Variants in CTNNA3 observed in about 807,000 individuals in gnomAD.
CTNNA3 encodes the protein catenin alpha-3.
Under a neutral mutation model 95.7 loss-of-function variants are expected in CTNNA3, and 76 were observed. The ratio of observed to expected loss-of-function variants is 0.79; its 90% CI spans 0.66 to 0.96. CTNNA3 has a LOEUF of 0.96. CTNNA3 is among the 40% of genes least tolerant of loss of function. CTNNA3 has a pLI of 0.00. For missense variants in CTNNA3, 1,191 were observed against 1,089.8 expected, an observed-to-expected ratio of 1.09 and a Z score of -1.31; for synonymous variants, 431 against 374.4, an observed-to-expected ratio of 1.15 and a Z score of -1.74.
At chr10:66,635,897 A>G (rs551267262) in intron 9 of CTNNA3, among the ~76,000 whole-genome samples, 2 of 152,182 alleles carry the variant, frequency 1.3e-5, no homozygotes, top group East Asian at 3.9e-4. Context: ...TAGGCAAAGA[A>G]GCTTTGAAAT....
rs919726596 is a variant in CTNNA3 at position 67,604,457 on chromosome 10, C to T, written c.292+2400G>A. On this transcript the variant is annotated intron_variant, in intron 3 of 17. Transcript: ENST00000433211. ...AACAGCTACTAAAAATGATTTTAAGCAGAGAAGTAAAATGAGCATATTTTC... is the reference window on the plus strand; with the variant it reads ...AACAGCTACTAAAAATGATTTTAAGTAGAGAAGTAAAATGAGCATATTTTC... Among the ~76,000 whole-genome samples the T allele has an allele frequency of 4.9e-4, 75 of 152,120 alleles. 1 individual carries two copies. The highest frequency in any genetic ancestry group is 2.0e-4 in the Admixed American group (3 of 15,278).
At chr10:66,267,294 G>C (rs2091181309) in intron 13 of CTNNA3, among the ~76,000 whole-genome samples, 1 of 152,044 alleles carries the variant, frequency 6.6e-6, no homozygotes, top group Non-Finnish European at 1.5e-5. Context: ...CCTAATTGTA[G>C]TTCTTTCTCC....
chr10:66,428,603 T>C (rs1456484968), intron 11 of CTNNA3, among the ~76,000 whole-genome samples: 1 of 151,736 alleles, frequency 6.6e-6, no homozygotes, highest in Non-Finnish European at 1.5e-5. Flanking sequence ...AGAAACTCAC[T>C]CAAAACTGCT....
At chr10:65,969,579 T>C (rs921909831) in intron 16 of CTNNA3, among the ~76,000 whole-genome samples, 6 of 152,166 alleles carry the variant, frequency 3.9e-5, no homozygotes, top group African/African-American at 1.4e-4. Flanking sequence ...CTTTAAAATA[T>C]CAATCAGAGA....
At chr10:67,167,115 G>GA (rs71006133) in intron 7 of CTNNA3, among the ~76,000 whole-genome samples, 167 of 137,232 alleles carry the variant, frequency 1.2e-3, no homozygotes, top group Middle Eastern at 0.012. Flanking sequence ...TCAAAAAAAA[G>GA]AAAAAAAAAA....
At chr10:67,707,792 C>T (rs367576346) in intron 1 of CTNNA3, among the ~76,000 whole-genome samples, 11 of 152,090 alleles carry the variant, frequency 7.2e-5, no homozygotes, top group Non-Finnish European at 1.5e-4. Flanking sequence ...CACCTTGATA[C>T]GAAATGAAAG....
intron 3 of CTNNA3, among the ~76,000 whole-genome samples, chr10:67,545,752 C>T (rs1052683892): frequency 2.0e-5 from 3 of 152,072 alleles, no homozygotes; most frequent in South Asian, 2.1e-4. Flanking sequence ...TCGGTCAAAA[C>T]GACTATATAA....
chr10:67,701,593 A>C (rs1429774273), intron 1 of CTNNA3, among the ~76,000 whole-genome samples: 3 of 152,328 alleles, frequency 2.0e-5, no homozygotes, highest in South Asian at 2.1e-4. Context: ...TTTGTCACCA[A>C]CAGGCCTGCC....
At chr10:67,270,159 G>T (rs375035559) in intron 5 of CTNNA3, among the ~76,000 whole-genome samples, 3 of 146,920 alleles carry the variant, frequency 2.0e-5, no homozygotes, top group Non-Finnish European at 3.0e-5. Context: ...TGAAAATACA[G>T]AACCTGATTT....
intron 5 of CTNNA3, among the ~76,000 whole-genome samples, chr10:67,296,961 A>T (rs1451032557): frequency 6.6e-6 from 1 of 150,810 alleles, no homozygotes; most frequent in East Asian, 1.9e-4. Context: ...AAAAAAAAAA[A>T]AGAGTTCAGT....
At chr10:66,296,469 C>G (rs1292053850) in intron 12 of CTNNA3, among the ~76,000 whole-genome samples, 1 of 151,972 alleles carries the variant, frequency 6.6e-6, no homozygotes, top group African/African-American at 2.4e-5. Flanking sequence ...AAATGGTCAT[C>G]ATATTTTGTA....
intron 7 of CTNNA3, among the ~76,000 whole-genome samples, chr10:66,950,839 G>T (rs1020113961): frequency 6.6e-6 from 1 of 152,126 alleles, no homozygotes; most frequent in Non-Finnish European, 1.5e-5. Context: ...TAGAGGCTTC[G>T]CACAGTGCAG....
intron 5 of CTNNA3, among the ~76,000 whole-genome samples, chr10:67,304,580 T>C (rs1334070618): frequency 6.6e-6 from 1 of 152,188 alleles, no homozygotes; most frequent in African/African-American, 2.4e-5. Context: ...GAAATCTATT[T>C]ACAACTATTT....
chr10:67,497,286 T>G (rs192972721), intron 5 of CTNNA3, among the ~76,000 whole-genome samples: 32 of 152,324 alleles, frequency 2.1e-4, no homozygotes, highest in Admixed American at 8.5e-4. Flanking sequence ...GGCTGCATAG[T>G]GTTCCATGGT....
At chr10:66,814,421 A>G (rs1338702332) in intron 7 of CTNNA3, among the ~76,000 whole-genome samples, 1 of 152,190 alleles carries the variant, frequency 6.6e-6, no homozygotes, top group Non-Finnish European at 1.5e-5. Flanking sequence ...ATTTATATAA[A>G]TATCATTCAT....
intron 4 of CTNNA3, among the ~76,000 whole-genome samples, chr10:67,534,789 C>A (rs983619857): frequency 6.6e-6 from 1 of 152,020 alleles, no homozygotes; most frequent in South Asian, 2.1e-4. Context: ...GAAGCAAAAG[C>A]TTGGAGACAG....
intron 11 of CTNNA3, among the ~76,000 whole-genome samples, chr10:66,447,429 C>A (rs77020755): frequency 0.072 from 6,069 of 84,880 alleles, 1,955 homozygotes; most frequent in East Asian, 0.47. Flanking sequence ...AGACTATACT[C>A]CAAGGCTACA....
intron 10 of CTNNA3, among the ~76,000 whole-genome samples, chr10:66,599,456 C>T (rs1843841213): frequency 6.6e-6 from 1 of 151,920 alleles, no homozygotes; most frequent in South Asian, 2.1e-4. Context: ...AATTTTTGGC[C>T]CATTTCTCCT....
At chr10:66,827,120 C>T (rs1842544025) in intron 7 of CTNNA3, among the ~76,000 whole-genome samples, 1 of 152,350 alleles carries the variant, frequency 6.6e-6, no homozygotes, top group South Asian at 2.1e-4. Flanking sequence ...GCTCCAGCTG[C>T]AGGCTATCTA....
Sources: gnomAD v4.1 joint callset for allele counts (sites outside exome capture counted in the v4.1 genomes callset) on GRCh38, gnomAD v4.1.1 for gene constraint, MANE v1.5 for transcripts, NCBI Gene and HGNC (gene_info 2026-07-23, HGNC 2026-07-21) for gene names.